The following PCDHA12 variants were observed in gnomAD, a reference collection of about 807,000 sequenced individuals.
PCDHA12 encodes the protein protocadherin alpha-12.
Under a neutral mutation model 60.0 loss-of-function variants are expected in PCDHA12, and 44 were observed. The observed-to-expected ratio is 0.73, with a 90% CI of 0.58 to 0.94. The LOEUF is 0.94. Among genes scored for constraint, PCDHA12 ranks in the 40% least tolerant of loss-of-function variants. The pLI is 0.00. For synonymous variants in PCDHA12, 569 were observed against 553.0 expected, an observed-to-expected ratio of 1.03 and a Z score of -0.40; for missense variants, 1,276 against 1,239.7, an observed-to-expected ratio of 1.03 and a Z score of -0.44.
At chr5:140,927,527 C>G in intron 1 of PCDHA12, 1 of 1,614,084 alleles carries the variant, frequency 6.2e-7, no homozygotes, top group African/African-American at 1.3e-5. Context: ...GGGCTACCTG[C>G]CCGCTCAGGA....
rs529433053 is a variant in PCDHA12 at position 140,985,961 on chromosome 5, A to C, written c.2515+3398A>C. Among the ~76,000 whole-genome samples, 18 of 151,982 alleles carry C rather than the reference A, an allele frequency of 1.2e-4. 1 individual carries two copies. In the South Asian group the frequency reaches 3.3e-3, roughly 28 times the overall value. On this transcript the variant is annotated intron_variant, in intron 3 of 3. Transcript: ENST00000398631. Reference sequence around the variant, plus strand: ...TCACTGTGTTAGCCAGGATGGTCTCAATCTCCTGACCTCGTGATCCGCCCA... The same window carrying C: ...TCACTGTGTTAGCCAGGATGGTCTCCATCTCCTGACCTCGTGATCCGCCCA...
At chr5:141,007,000 G>A (rs2098298646) in intron 3 of PCDHA12, among the ~76,000 whole-genome samples, 1 of 152,128 alleles carries the variant, frequency 6.6e-6, no homozygotes, top group South Asian at 2.1e-4. Flanking sequence ...ATATAAGTCT[G>A]CATCTCATCA....
chr5:140,916,211 G>C (rs1373329073), intron 1 of PCDHA12, among the ~76,000 whole-genome samples: 4 of 152,182 alleles, frequency 2.6e-5, no homozygotes, highest in Non-Finnish European at 5.9e-5. Flanking sequence ...CCCTGGGGAA[G>C]ATCCAAATAT....
intron 3 of PCDHA12, among the ~76,000 whole-genome samples, chr5:140,994,916 G>C (rs191112964): frequency 2.0e-5 from 3 of 152,332 alleles, no homozygotes; most frequent in Admixed American, 1.3e-4. Context: ...ACTGGAATCA[G>C]ATTTTGTAGG....
Position 140,875,779 on chromosome 5 carries a change from A to G in PCDHA12, c.307A>G (p.Ser103Gly), listed in dbSNP as rs1174243985. The G allele has an allele frequency of 6.2e-7, 1 of 1,614,194 alleles. No homozygotes were observed. Among genetic ancestry groups the G allele is most frequent in the Non-Finnish European group, 8.5e-7 (1 of 1,180,040 alleles). Residue 103 changes from serine (S) to glycine (G), a missense_variant, in exon 1 of 4, where the codon AGT (serine) becomes GGT (glycine). By Grantham distance (56) the Ser-to-Gly change is moderately conservative. Coordinates refer to ENST00000398631, the MANE Select transcript of PCDHA12 (RefSeq NM_018903.4). ...GCTGTGCGGGCGGAGCGCGGAGTGCAGTATCCACCTGGAGGTGATCGTGGA... is the reference window on the plus strand; with the variant it reads ...GCTGTGCGGGCGGAGCGCGGAGTGCGGTATCCACCTGGAGGTGATCGTGGA... ...EKLCGRSAEC[S>G]IHLEVIVDRP...
intron 1 of PCDHA12, among the ~76,000 whole-genome samples, chr5:140,890,373 T>A (rs868994302): frequency 2.4e-4 from 37 of 152,196 alleles, no homozygotes; most frequent in African/African-American, 7.5e-4. Context: ...CCTGAACAAG[T>A]ACTCTTTCTT....
chr5:140,949,664 A>T (rs2094409163), intron 1 of PCDHA12, among the ~76,000 whole-genome samples: 1 of 151,578 alleles, frequency 6.6e-6, no homozygotes, highest in African/African-American at 2.4e-5. Context: ...TTGTTTCTTT[A>T]AAGTATGCCC....
At chr5:140,966,695 C>A in intron 1 of PCDHA12, 1 of 1,358,486 alleles carries the variant, frequency 7.4e-7, no homozygotes, top group Non-Finnish European at 9.5e-7. Flanking sequence ...AGGCGGGGCC[C>A]GGGCGTGGGG....
intron 1 of PCDHA12, among the ~76,000 whole-genome samples, chr5:140,976,407 C>T (rs781867787): frequency 1.1e-4 from 17 of 151,868 alleles, no homozygotes; most frequent in Non-Finnish European, 2.1e-4. Flanking sequence ...AAAAATTAGC[C>T]AGGTACGGTG....
At chr5:141,003,368 G>C (rs2098121009) in intron 3 of PCDHA12, among the ~76,000 whole-genome samples, 1 of 152,190 alleles carries the variant, frequency 6.6e-6, no homozygotes, top group Non-Finnish European at 1.5e-5. Flanking sequence ...CTGGAGTGCA[G>C]TGGTGCAATC....
At position 141,010,080 on chromosome 5, in the gene PCDHA12, G is replaced by C. The variant is rs2098415967; in HGVS notation, c.*143G>C. On this transcript the variant is annotated 3_prime_UTR_variant, in exon 4 of 4. Transcript: ENST00000398631. The stretch of plus-strand genomic sequence containing the variant: ...AATCTGCAGAAAGTTCCCTGTGTCT[G>C]TCTAGAACGCATTTAACAGGTTTTG... 1 of 1,611,462 alleles carries C rather than the reference G, an allele frequency of 6.2e-7. No homozygotes were observed. The highest frequency in any genetic ancestry group is 1.1e-5 in the South Asian group (1 of 90,590).
At chr5:140,961,214 A>C (rs1406613180) in intron 1 of PCDHA12, among the ~76,000 whole-genome samples, 4 of 152,288 alleles carry the variant, frequency 2.6e-5, no homozygotes, top group East Asian at 3.9e-4. Context: ...ATTGATGAAG[A>C]AACTGGGTCC....
chr5:140,997,859 T>C (rs2097788506), intron 3 of PCDHA12, among the ~76,000 whole-genome samples: 1 of 152,216 alleles, frequency 6.6e-6, no homozygotes, highest in Non-Finnish European at 1.5e-5. Context: ...TACATATTTC[T>C]TATGCATGCT....
chr5:141,005,339 T>C (rs920058303), intron 3 of PCDHA12, among the ~76,000 whole-genome samples: 5 of 151,926 alleles, frequency 3.3e-5, no homozygotes, highest in African/African-American at 9.7e-5. Context: ...GCCAAGGGGG[T>C]GCTGCTTGGC....
intron 1 of PCDHA12, among the ~76,000 whole-genome samples, chr5:140,889,615 T>C (rs1261276866): frequency 6.6e-6 from 1 of 152,184 alleles, no homozygotes; most frequent in Non-Finnish European, 1.5e-5. Flanking sequence ...ATTATACTGA[T>C]TCATTTCTCT....
intron 1 of PCDHA12, chr5:140,966,441 CT>C (rs1165111455): frequency 7.1e-6 from 3 of 424,684 alleles, no homozygotes; most frequent in African/African-American, 4.1e-5. Context: ...CTACCGCTCC[CT>C]TTCCCCCTCC....
chr5:140,984,682 A>G (rs2097114582), intron 3 of PCDHA12, among the ~76,000 whole-genome samples: 2 of 152,136 alleles, frequency 1.3e-5, no homozygotes, highest in Non-Finnish European at 2.9e-5. Context: ...AGGACTCAAT[A>G]TATGTTCTGC....
chr5:140,978,820 T>C (rs2096824926), intron 1 of PCDHA12, 129 bp from the exon 2 acceptor site: 1 of 1,517,496 alleles, frequency 6.6e-7, no homozygotes, highest in East Asian at 2.4e-5. Context: ...GAGTTACACA[T>C]GAAATGGCTC....
chr5:140,981,687 A>T (rs1283182396), intron 2 of PCDHA12, among the ~76,000 whole-genome samples: 1 of 151,972 alleles, frequency 6.6e-6, no homozygotes, highest in Non-Finnish European at 1.5e-5. Flanking sequence ...CCTCCCTTCC[A>T]TCATTCATTC....
Sources: allele counts gnomAD v4.1 joint callset (sites outside exome capture counted in the v4.1 genomes callset), GRCh38; gene constraint gnomAD v4.1.1; transcripts MANE v1.5; gene names NCBI Gene and HGNC (gene_info 2026-07-23, HGNC 2026-07-21).